Variants in MAP2 observed in about 807,000 individuals in gnomAD.
MAP2 encodes the protein microtubule associated protein 2, also known as microtubule-associated protein 2.
A neutral mutation model predicts 137.6 loss-of-function variants in MAP2; 14 were observed. The observed-to-expected ratio is 0.10, with a 90% CI of 0.07 to 0.16. MAP2 has a LOEUF of 0.16. Among genes scored for constraint, MAP2 ranks in the 10% least tolerant of loss-of-function variants. The probability of loss-of-function intolerance (pLI) is 1.00; values close to 1 mark genes in which losing one functional copy is unlikely to be tolerated. For synonymous variants in MAP2, 786 were observed against 782.3 expected (o/e 1.00, Z -0.08); for missense variants, 2,088 against 2,191.5 (o/e 0.95, Z 0.94).
intron 3 of MAP2, among the ~76,000 whole-genome samples, chr2:209,588,480 A>C (rs1277952712): frequency 6.6e-6 from 1 of 152,184 alleles, no homozygotes; most frequent in Non-Finnish European, 1.5e-5. Context: ...TAAGGAAAAG[A>C]TACTCCATTT....
rs1043952053 is a variant in MAP2, at chr2:209,606,313, T to C, written c.-106-18740T>C. On this transcript the variant is annotated intron_variant, in intron 3 of 15. Transcript: ENST00000682079. ...AGAAAAACTTCCAGGTGAGACTATT[T>C]AATTTTTAGGCACTGTAAAGGGAAG... Among the ~76,000 whole-genome samples the C allele has an allele frequency of 2.6e-5, 4 of 152,206 alleles. No individual in the cohort carries two copies. In the East Asian group the frequency reaches 7.7e-4, roughly 29 times the overall value.
At chr2:209,686,961 T>C (rs1559556350) in intron 7 of MAP2, among the ~76,000 whole-genome samples, 1 of 151,952 alleles carries the variant, frequency 6.6e-6, no homozygotes, top group Non-Finnish European at 1.5e-5. Context: ...AAGTTTATAA[T>C]ATTAGAGGCT....
chr2:209,588,753 A>G (rs1161701327), intron 3 of MAP2, among the ~76,000 whole-genome samples: 3 of 152,162 alleles, frequency 2.0e-5, no homozygotes, highest in African/African-American at 7.2e-5. Flanking sequence ...AATTTTGAAC[A>G]TAACTTCAGG....
chr2:209,619,600 A>G (rs2090540947), intron 3 of MAP2, among the ~76,000 whole-genome samples: 2 of 152,048 alleles, frequency 1.3e-5, no homozygotes, highest in Admixed American at 6.6e-5. Context: ...CGTTCCCTAT[A>G]TTACAGTGCC....
At chr2:209,558,635 G>A (rs959245405) in intron 2 of MAP2, among the ~76,000 whole-genome samples, 12 of 150,478 alleles carry the variant, frequency 8.0e-5, no homozygotes, top group Non-Finnish European at 1.6e-4. Flanking sequence ...ATATTATCTA[G>A]TATGTAACCT....
intron 1 of MAP2, among the ~76,000 whole-genome samples, chr2:209,430,089 G>A (rs550909775): frequency 1.5e-4 from 22 of 150,772 alleles, no homozygotes; most frequent in African/African-American, 3.7e-4. Flanking sequence ...GATTCACTAC[G>A]TCCTTTTGGC....
At chr2:209,429,936 A>G (rs2149269996) in intron 1 of MAP2, among the ~76,000 whole-genome samples, 1 of 152,146 alleles carries the variant, frequency 6.6e-6, no homozygotes, top group Middle Eastern at 3.4e-3. Flanking sequence ...GCAATTAAAT[A>G]ATGCTCGGCT....
chr2:209,715,622 T>C (rs1272645851), intron 13 of MAP2, among the ~76,000 whole-genome samples: 3 of 152,132 alleles, frequency 2.0e-5, no homozygotes, highest in Non-Finnish European at 2.9e-5. Flanking sequence ...TCTGATAAGA[T>C]GGCTAGGAAA....
At chr2:209,704,591 C>G (rs765585941) in intron 11 of MAP2, 3 of 1,605,178 alleles carry the variant, frequency 1.9e-6, no homozygotes, top group Admixed American at 3.4e-5. Context: ...CTCCACAGAC[C>G]GTTTGCCATA....
intron 1 of MAP2, among the ~76,000 whole-genome samples, chr2:209,463,542 T>C (rs1470921572): frequency 6.6e-6 from 1 of 152,200 alleles, no homozygotes; most frequent in Non-Finnish European, 1.5e-5. Context: ...AAGGCATGCT[T>C]ATTAGTTAGT....
chr2:209,587,487 ACAAT>A (rs1343428948), intron 3 of MAP2, among the ~76,000 whole-genome samples: 3 of 152,100 alleles, frequency 2.0e-5, no homozygotes, highest in Non-Finnish European at 4.4e-5. Context: ...CGGTGTGTAG[ACAAT>A]CAGAGTGTTC....
At chr2:209,461,983 T>G (rs1229784567) in intron 1 of MAP2, among the ~76,000 whole-genome samples, 1 of 152,198 alleles carries the variant, frequency 6.6e-6, no homozygotes, top group African/African-American at 2.4e-5. Context: ...ACTCTCTGGT[T>G]TAGATGCCTT....
At chr2:209,448,636 A>G (rs924661295) in intron 1 of MAP2, among the ~76,000 whole-genome samples, 1 of 152,100 alleles carries the variant, frequency 6.6e-6, no homozygotes, top group African/African-American at 2.4e-5. Flanking sequence ...TCTAATTTCT[A>G]TTAGCTGTTG....
chr2:209,466,454 A>G (rs911665283), intron 1 of MAP2, among the ~76,000 whole-genome samples: 4 of 152,284 alleles, frequency 2.6e-5, no homozygotes, highest in African/African-American at 9.6e-5. Context: ...TATCTTCTTT[A>G]TCAGGTTGTT....
At chr2:209,424,314 G>A (rs1257242775) in intron 1 of MAP2, 38 bp downstream of exon 1, 1 of 152,274 alleles carries the variant, frequency 6.6e-6, no homozygotes, top group Non-Finnish European at 1.5e-5. Flanking sequence ...TATGTAGGGC[G>A]CCTCTCCTTT....
Position 209,475,747 on chromosome 2 carries a change from A to G in MAP2, c.-221-31845A>G, listed in dbSNP as rs1707044782. Among the ~76,000 whole-genome samples, 5 of 152,276 alleles carry G rather than the reference A, an allele frequency of 3.3e-5. No individual in the cohort carries two copies. In the South Asian group the frequency reaches 1.0e-3, roughly 32 times the overall value. ...ATCTATGTATTCTAGTTTTTAATGC[A>G]TATTTAACTTTAACACTATGTAATT... On this transcript the variant is annotated intron_variant, in intron 1 of 15. Transcript: ENST00000682079.
At chr2:209,660,883 C>T (rs1415930058) in intron 5 of MAP2, among the ~76,000 whole-genome samples, 2 of 149,702 alleles carry the variant, frequency 1.3e-5, no homozygotes, top group East Asian at 2.0e-4. Context: ...TACAGGTGCC[C>T]GCCACCACGC....
intron 13 of MAP2, among the ~76,000 whole-genome samples, chr2:209,716,571 T>C (rs527996457): frequency 3.9e-5 from 6 of 152,298 alleles, no homozygotes; most frequent in African/African-American, 1.4e-4. Context: ...TTAGTTTTAG[T>C]GTATTTTATG....
At position 209,567,780 on chromosome 2, in the gene MAP2, AT is replaced by A. The variant is rs551280624; in HGVS notation, c.-171-12255del. 1.7e-4 allele frequency among the ~76,000 whole-genome samples: 26 copies of A among 152,216 alleles called. No homozygotes were observed. The East Asian group carries it at 5.0e-3, about 29-fold the overall frequency. ...ATGATAATGTTGAGAAGGAATATAC[AT>A]ATATAGGCATTGCTTATGTATAATA... On this transcript the variant is annotated intron_variant, in intron 2 of 15. Coordinates refer to ENST00000682079, the MANE Select transcript of MAP2 (RefSeq NM_001375505.1).
Sources: gnomAD v4.1 joint callset for allele counts (sites outside exome capture counted in the v4.1 genomes callset) on GRCh38, gnomAD v4.1.1 for gene constraint, MANE v1.5 for transcripts, NCBI Gene and HGNC (gene_info 2026-07-23, HGNC 2026-07-21) for gene names.